ST3GAL1: variants seen among roughly 807,000 people sequenced by gnomAD.
ST3GAL1 encodes ST3 beta-galactoside alpha-2,3-sialyltransferase 1.
Under a neutral mutation model 34.1 loss-of-function variants are expected in ST3GAL1, and 16 were observed. The ratio of observed to expected loss-of-function variants is 0.47; its 90% CI spans 0.32 to 0.71. The LOEUF is 0.71. ST3GAL1 is among the 30% of genes least tolerant of loss of function. The pLI is 0.04. For missense variants in ST3GAL1, 353 were observed against 447.4 expected (o/e 0.79, Z 1.90); for synonymous variants, 191 against 184.7 (o/e 1.03, Z -0.28).
At chr8:133,563,492 T>C (rs901299379) in intron 1 of ST3GAL1, among the ~76,000 whole-genome samples, 1 of 152,192 alleles carries the variant, frequency 6.6e-6, no homozygotes, top group Non-Finnish European at 1.5e-5. Flanking sequence ...AAAATGGAGT[T>C]ACCCACGCTA....
chr8:133,513,631 C>T (rs748513291), intron 2 of ST3GAL1, among the ~76,000 whole-genome samples: 10 of 152,150 alleles, frequency 6.6e-5, no homozygotes, highest in Non-Finnish European at 1.5e-4. Flanking sequence ...CGTAATGGCT[C>T]ACACCTGTAA....
intron 1 of ST3GAL1, among the ~76,000 whole-genome samples, chr8:133,547,585 T>C (rs547559074): frequency 6.6e-6 from 1 of 152,186 alleles, no homozygotes; most frequent in African/African-American, 2.4e-5. Context: ...ATAGACAATG[T>C]GTGGAGAGAG....
rs1815712626 is a variant in ST3GAL1 at position 133,465,912 on chromosome 8, C to G, written c.485G>C (p.Ser162Thr). The G allele has an allele frequency of 1.2e-6, 2 of 1,614,036 alleles. No homozygotes were observed. The highest frequency in any genetic ancestry group is 4.5e-5 in the East Asian group (2 of 44,876). ...CACTCACCTGAGGACAAAGTCGTGA[C>G]TGTCTATCTCAGGCCCATAAGAAGA... ...RESSYGPEIDSHDFVLRMNKA... is the reference protein window; with the variant it reads ...RESSYGPEIDTHDFVLRMNKA... The change falls in exon 6 of 10, where the codon AGT (serine) becomes ACT (threonine). Residue 162 changes from serine (S) to threonine (T), a missense_variant. Physicochemically the swap from Ser to Thr is moderately conservative, Grantham distance 58. Transcript: ENST00000522652.
At chr8:133,465,291 C>A (rs1366380806) in intron 6 of ST3GAL1, among the ~76,000 whole-genome samples, 1 of 152,222 alleles carries the variant, frequency 6.6e-6, no homozygotes, top group South Asian at 2.1e-4. Context: ...ACCCATGGGA[C>A]ACCTGGTACA....
At position 133,471,037 on chromosome 8, in the gene ST3GAL1, A is replaced by G. The variant is rs898541267; in HGVS notation, c.306+4682T>C. Among the ~76,000 whole-genome samples the G allele has an allele frequency of 5.3e-5, 8 of 152,096 alleles. No homozygotes were observed. In the East Asian group the frequency reaches 7.7e-4, roughly 15 times the overall value. ...ATCCTCCTTCCTCCTTCCACGGCCA[A>G]TGAATGATGCATCGCCTTCTGAGAA... On this transcript the variant is annotated intron_variant, in intron 5 of 9. Coordinates refer to ENST00000522652, the MANE Select transcript of ST3GAL1 (RefSeq NM_173344.3).
chr8:133,464,317 G>A (rs144842816), intron 7 of ST3GAL1, among the ~76,000 whole-genome samples: 239 of 152,294 alleles, frequency 1.6e-3, no homozygotes, highest in Admixed American at 4.0e-3. Context: ...AGCCACAGCC[G>A]CGTTGCTCAG....
Position 133,467,463 on chromosome 8 carries a change from T to C in ST3GAL1, c.307-1373A>G, listed in dbSNP as rs1305661321. ...CTGTGTCATTTCACTGTGGGTGAGGTAGGATGCTCTGAGGCCAGAGAGGTA... is the reference window on the plus strand; with the variant it reads ...CTGTGTCATTTCACTGTGGGTGAGGCAGGATGCTCTGAGGCCAGAGAGGTA... On this transcript the variant is annotated intron_variant, in intron 5 of 9. Transcript: ENST00000522652. This position sits in a 1 kb window ranked among gnomAD's most constrained non-coding sequence, Gnocchi z 4.2. 6.6e-6 allele frequency among the ~76,000 whole-genome samples: 1 copy of C among 152,088 alleles called. No homozygotes were observed. Among genetic ancestry groups the C allele is most frequent in the Non-Finnish European group, 1.5e-5 (1 of 68,022 alleles).
chr8:133,551,405 T>A (rs887051966), intron 1 of ST3GAL1, among the ~76,000 whole-genome samples: 6 of 150,774 alleles, frequency 4.0e-5, no homozygotes, highest in Non-Finnish European at 7.4e-5. Context: ...GAGGCAGAGG[T>A]TGCAGTGAGC....
intron 2 of ST3GAL1, among the ~76,000 whole-genome samples, chr8:133,541,042 GACATATATAT>G (rs1818496084): frequency 2.0e-5 from 2 of 99,660 alleles, no homozygotes; most frequent in Non-Finnish European, 4.1e-5. Context: ...GACATATATA[GACATATATAT>G]AGACATATAT....
chr8:133,506,513 G>A (rs1233821762), intron 2 of ST3GAL1, among the ~76,000 whole-genome samples: 1 of 152,164 alleles, frequency 6.6e-6, no homozygotes, highest in Non-Finnish European at 1.5e-5. Context: ...GGCTGGGCAC[G>A]GTGGCTCACG....
rs1466936089 is a variant in ST3GAL1, at chr8:133,485,464, C to T, written c.-373-8864G>A. 2.0e-5 allele frequency among the ~76,000 whole-genome samples: 3 copies of T among 152,174 alleles called. No homozygotes were observed. The East Asian group carries it at 5.8e-4, about 29-fold the overall frequency. On this transcript the variant is annotated intron_variant, in intron 3 of 9. Coordinates refer to ENST00000522652, the MANE Select transcript of ST3GAL1 (RefSeq NM_173344.3). Reference sequence around the variant, plus strand: ...CATTGCAGCCCAAACCCTGGAGGTCCCCCATTCTCACTGCCCTTCCAAGAA... The same window carrying T: ...CATTGCAGCCCAAACCCTGGAGGTCTCCCATTCTCACTGCCCTTCCAAGAA...
At chr8:133,507,137 A>C (rs1817367458) in intron 2 of ST3GAL1, among the ~76,000 whole-genome samples, 1 of 152,168 alleles carries the variant, frequency 6.6e-6, no homozygotes. Flanking sequence ...TCTGGAGTCC[A>C]AGTAATTTGG....
chr8:133,491,457 A>G (rs1186875913), intron 3 of ST3GAL1, among the ~76,000 whole-genome samples: 1 of 152,204 alleles, frequency 6.6e-6, no homozygotes, highest in African/African-American at 2.4e-5. Context: ...GCCCTCAGGC[A>G]TCTGTCGCTG....
At chr8:133,493,837 C>T (rs1297162717) in intron 3 of ST3GAL1, among the ~76,000 whole-genome samples, 1 of 138,226 alleles carries the variant, frequency 7.2e-6, no homozygotes, top group Non-Finnish European at 1.6e-5. Context: ...CAGAGCAAGA[C>T]TCTGTATCAG....
chr8:133,501,553 AG>A (rs1483643817), intron 2 of ST3GAL1, among the ~76,000 whole-genome samples: 159 of 104,748 alleles, frequency 1.5e-3, no homozygotes, highest in African/African-American at 6.0e-3. Context: ...TTCAAAGACC[AG>A]CTTGGCCAAC....
chr8:133,535,456 T>C (rs1243705645), intron 2 of ST3GAL1, among the ~76,000 whole-genome samples: 1 of 152,120 alleles, frequency 6.6e-6, no homozygotes, highest in African/African-American at 2.4e-5. Context: ...TGGGCAAGTC[T>C]ATTGGTGCCA....
chr8:133,517,200 T>C (rs191303013), intron 2 of ST3GAL1, among the ~76,000 whole-genome samples: 2 of 152,344 alleles, frequency 1.3e-5, no homozygotes, highest in Admixed American at 1.3e-4. Flanking sequence ...AGTCCTTCTC[T>C]GGATTCTGCT....
chr8:133,470,248 G>A (rs956391289), intron 5 of ST3GAL1, among the ~76,000 whole-genome samples: 1 of 152,022 alleles, frequency 6.6e-6, no homozygotes, highest in African/African-American at 2.4e-5. Flanking sequence ...GGAGAAACCC[G>A]GTCTCTACTA....
intron 2 of ST3GAL1, among the ~76,000 whole-genome samples, chr8:133,517,950 T>C (rs1817693629): frequency 6.6e-6 from 1 of 152,226 alleles, no homozygotes; most frequent in African/African-American, 2.4e-5. Flanking sequence ...CTCACAGAGC[T>C]GAGTGGCAGC....
Sources: gnomAD v4.1 joint callset for allele counts (sites outside exome capture counted in the v4.1 genomes callset) on GRCh38, gnomAD v4.1.1 for gene constraint, Gnocchi (gnomAD v3.1) non-coding constraint, MANE v1.5 for transcripts, NCBI Gene and HGNC (gene_info 2026-07-23, HGNC 2026-07-21) for gene names.